CRABP1: variants seen among roughly 807,000 people sequenced by gnomAD.
CRABP1 encodes the protein cellular retinoic acid-binding protein 1.
CRABP1 carries 9 observed loss-of-function variants against 16.4 expected under a neutral mutation model. That is an observed-to-expected ratio of 0.55 (90% CI 0.33 to 0.96). The LOEUF (loss-of-function observed/expected upper bound fraction) is 0.96, where lower values mean the gene tolerates loss of function less well. Ranked by LOEUF, CRABP1 falls within the 40% of genes least tolerant of loss-of-function variation. The pLI is 0.03. For missense variants in CRABP1, 157 were observed against 186.0 expected, an observed-to-expected ratio of 0.84 and a Z score of 0.91; for synonymous variants, 72 against 70.4, an observed-to-expected ratio of 1.02 and a Z score of -0.11.
chr15:78,342,212 G>A (rs1172117225), intron 2 of CRABP1, among the ~76,000 whole-genome samples: 2 of 152,016 alleles, frequency 1.3e-5, no homozygotes, highest in African/African-American at 2.4e-5. Flanking sequence ...TGATCTCCAC[G>A]CTTGGAGGGG....
intron 2 of CRABP1, among the ~76,000 whole-genome samples, chr15:78,342,439 C>T (rs887668954): frequency 1.3e-5 from 2 of 151,770 alleles, no homozygotes; most frequent in African/African-American, 4.8e-5. Flanking sequence ...CACCCCCCAT[C>T]CCCCCACACC....
intron 3 of CRABP1, among the ~76,000 whole-genome samples, chr15:78,347,432 C>T (rs984698189): frequency 6.6e-6 from 1 of 152,212 alleles, no homozygotes; most frequent in Non-Finnish European, 1.5e-5. Flanking sequence ...ATTACATATA[C>T]AGCATCTCAG....
chr15:78,342,153 G>T (rs537899239), intron 2 of CRABP1, among the ~76,000 whole-genome samples: 2 of 152,196 alleles, frequency 1.3e-5, no homozygotes, highest in South Asian at 4.2e-4. Context: ...CCAGAAGCAG[G>T]CTGATCTAGG....
At chr15:78,340,919 G>T in intron 1 of CRABP1, 124 bp from the exon 2 acceptor site, 2 of 991,436 alleles carry the variant, frequency 2.0e-6, no homozygotes, top group South Asian at 1.7e-5. Flanking sequence ...CAAGGGCGAG[G>T]GCAGGGAAAC....
intron 3 of CRABP1, among the ~76,000 whole-genome samples, chr15:78,346,035 G>T (rs989311522): frequency 2.0e-5 from 3 of 152,138 alleles, no homozygotes; most frequent in African/African-American, 7.2e-5. Flanking sequence ...CTTCAAATGT[G>T]GTTGGAAATG....
At chr15:78,340,586 G>T (rs1280634637) in intron 1 of CRABP1, 88 bp downstream of exon 1, 16 of 1,456,964 alleles carry the variant, frequency 1.1e-5, no homozygotes, top group African/African-American at 1.4e-5. Context: ...TGGAGGGGGT[G>T]GAAGTTGGGG....
At chr15:78,347,835 C>T (rs1294575623) in intron 3 of CRABP1, 92 bp from the exon 4 acceptor site, 7 of 1,165,698 alleles carry the variant, frequency 6.0e-6, no homozygotes, top group Middle Eastern at 3.8e-4. Context: ...GAGTTTTTAA[C>T]AGGGCAATAA....
chr15:78,343,988 C>T (rs1260535671), intron 3 of CRABP1, among the ~76,000 whole-genome samples: 2 of 152,128 alleles, frequency 1.3e-5, no homozygotes, highest in Non-Finnish European at 2.9e-5. Context: ...TTTTCATTCT[C>T]ATTCCCCCTT....
In CRABP1 at chr15:78,341,259, C is replaced by G; in HGVS notation, c.249+38C>G. ...AGCCACTACAGCGTCCCCGTGTCCC[C>G]GCTCGGTGCCCATGGCCCACTGCTG... On this transcript the variant is annotated intron_variant, in intron 2 of 3. Coordinates refer to ENST00000299529, the MANE Select transcript of CRABP1 (RefSeq NM_004378.3). The surrounding 1 kb of genome is among the most constrained non-coding windows in gnomAD (Gnocchi z 5.3). 1 of 1,578,976 alleles carries G rather than the reference C, an allele frequency of 6.3e-7. No homozygotes were observed. The highest frequency in any genetic ancestry group is 8.6e-7 in the Non-Finnish European group (1 of 1,162,346).
chr15:78,346,370 G>C (rs557863125), intron 3 of CRABP1, among the ~76,000 whole-genome samples: 82 of 152,256 alleles, frequency 5.4e-4, no homozygotes, highest in African/African-American at 1.8e-3. Flanking sequence ...GAGATCCCTA[G>C]CATGAAAAGC....
At position 78,341,922 on chromosome 15, in the gene CRABP1, G is replaced by T. The variant is rs928975663; in HGVS notation, c.249+701G>T. Among the ~76,000 whole-genome samples, 3 of 152,046 alleles carry T rather than the reference G, an allele frequency of 2.0e-5. No homozygotes were observed. Among genetic ancestry groups the T allele is most frequent in the African/African-American group, 7.2e-5 (3 of 41,406 alleles). ...TTTTGCATGGGCAAAAATTGCATTTGGTTAACCAGATGGAAAAATAATCAC... is the reference window on the plus strand; with the variant it reads ...TTTTGCATGGGCAAAAATTGCATTTTGTTAACCAGATGGAAAAATAATCAC... On this transcript the variant is annotated intron_variant, in intron 2 of 3. Coordinates refer to ENST00000299529, the MANE Select transcript of CRABP1 (RefSeq NM_004378.3). This position sits in a 1 kb window ranked among gnomAD's most constrained non-coding sequence, Gnocchi z 5.3.
At chr15:78,340,894 C>T in intron 1 of CRABP1, 149 bp from the exon 2 acceptor site, 2 of 796,396 alleles carry the variant, frequency 2.5e-6, no homozygotes, top group Non-Finnish European at 1.9e-6. Context: ...GTGCCTCAGT[C>T]TCTCATCTCG....
At chr15:78,345,070 T>G (rs1161636431) in intron 3 of CRABP1, among the ~76,000 whole-genome samples, 1 of 152,200 alleles carries the variant, frequency 6.6e-6, no homozygotes, top group Non-Finnish European at 1.5e-5. Context: ...TGCTCCATCT[T>G]AGTGAATGTC....
chr15:78,346,535 G>C (rs1432725887), intron 3 of CRABP1, among the ~76,000 whole-genome samples: 7 of 152,214 alleles, frequency 4.6e-5, no homozygotes, highest in Non-Finnish European at 1.0e-4. Flanking sequence ...TGGGCATGGT[G>C]GTGTATGCCT....
rs981213907 is a variant in CRABP1, at chr15:78,341,412, A to C, written c.249+191A>C. 6.1e-6 allele frequency: 4 copies of C among 658,122 alleles called. No homozygotes were observed. In the East Asian group the frequency reaches 8.5e-5, roughly 14 times the overall value. 40.8% of individuals were successfully genotyped at this position (658,122 alleles called of 1,614,324 possible). ...TGGCTCAAGACAAAGTATTACCTTC[A>C]TTCCATCTCAACCCCATCCCTACGC... On this transcript the variant is annotated intron_variant, in intron 2 of 3. Coordinates refer to ENST00000299529, the MANE Select transcript of CRABP1 (RefSeq NM_004378.3). This position sits in a 1 kb window ranked among gnomAD's most constrained non-coding sequence, Gnocchi z 5.3.
In CRABP1 at chr15:78,341,447, G is replaced by A. The variant is rs1427885398; in HGVS notation, c.249+226G>A. On this transcript the variant is annotated intron_variant, in intron 2 of 3. Coordinates refer to ENST00000299529, the MANE Select transcript of CRABP1 (RefSeq NM_004378.3). This position sits in a 1 kb window ranked among gnomAD's most constrained non-coding sequence, Gnocchi z 5.3. ...AACCCCATCCCTACGCTGCCTCCCG[G>A]GGTGCTAACAGCCGCGCTTAAAGAG... 4 of 551,392 alleles carry A rather than the reference G, an allele frequency of 7.3e-6. No homozygotes were observed. The highest frequency in any genetic ancestry group is 5.7e-5 in the African/African-American group (3 of 52,692). 34.2% of individuals were successfully genotyped at this position (551,392 alleles called of 1,614,324 possible). A position where few individuals can be genotyped will look rare whatever the true frequency, so the allele number is the denominator to read the frequency against.
chr15:78,348,064 C>G lies in CRABP1; in HGVS notation c.*87C>G. 1 of 1,273,464 alleles carries G rather than the reference C, an allele frequency of 7.9e-7. No homozygotes were observed. Among genetic ancestry groups the G allele is most frequent in the Non-Finnish European group, 1.1e-6 (1 of 886,520 alleles). 78.9% of individuals were successfully genotyped at this position (1,273,464 alleles called of 1,614,324 possible). A position where few individuals can be genotyped will look rare whatever the true frequency, so the allele number is the denominator to read the frequency against. ...AGTTCTGAGCTGCCAGTGGACCGCC[C>G]TTTTCCCCTACCAATATTAGGTGAT... is the stretch of plus-strand genomic sequence containing the variant. On this transcript the variant is annotated 3_prime_UTR_variant, in exon 4 of 4. Coordinates refer to ENST00000299529, the MANE Select transcript of CRABP1 (RefSeq NM_004378.3).
chr15:78,344,381 A>G (rs1031522242), intron 3 of CRABP1, among the ~76,000 whole-genome samples: 21 of 151,862 alleles, frequency 1.4e-4, no homozygotes, highest in African/African-American at 5.1e-4. Flanking sequence ...ATTCACTTGA[A>G]CCCAGGAGGC....
Position 78,344,940 on chromosome 15 carries a change from CA to C in CRABP1, c.363+1335del, listed in dbSNP as rs566225429. On this transcript the variant is annotated intron_variant, in intron 3 of 3. Coordinates refer to ENST00000299529, the MANE Select transcript of CRABP1 (RefSeq NM_004378.3). ...TCAAAATTAAAAACAAAAAAAAAAA[CA>C]AAAAAACTAATTAAGGGTTTTGCAA... is the stretch of plus-strand genomic sequence containing the variant. Among the ~76,000 whole-genome samples, 394 of 147,120 alleles carry C rather than the reference CA, an allele frequency of 2.7e-3. 3 individuals are homozygous for C. The highest frequency in any genetic ancestry group is 0.018 in the South Asian group (86 of 4,778).
Sources: allele counts gnomAD v4.1 joint callset (sites outside exome capture counted in the v4.1 genomes callset), GRCh38; gene constraint gnomAD v4.1.1; non-coding constraint Gnocchi (gnomAD v3.1); transcripts MANE v1.5; gene names NCBI Gene and HGNC (gene_info 2026-07-23, HGNC 2026-07-21).